USP13: variants seen among roughly 807,000 people sequenced by gnomAD.
USP13 encodes ubiquitin specific peptidase 13.
In USP13, 68 loss-of-function variants were observed where a neutral mutation model predicts 107.8. The observed-to-expected ratio is 0.63, with a 90% confidence interval of 0.52 to 0.77. The LOEUF (loss-of-function observed/expected upper bound fraction) is 0.77. Ranked by LOEUF, USP13 falls within the 30% of genes least tolerant of loss-of-function variation. USP13 has a pLI of 0.00. For missense variants in USP13, 945 were observed against 1,093.3 expected, an observed-to-expected ratio of 0.86 and a Z score of 1.91; for synonymous variants, 377 against 389.5, an observed-to-expected ratio of 0.97 and a Z score of 0.38.
chr3:179,758,953 C>T (rs916420504), intron 16 of USP13, among the ~76,000 whole-genome samples: 2 of 151,894 alleles, frequency 1.3e-5, no homozygotes, highest in Non-Finnish European at 2.9e-5. Flanking sequence ...TTGTGCCTGG[C>T]TCACTTTATT....
intron 1 of USP13, among the ~76,000 whole-genome samples, chr3:179,667,969 A>G (rs1246285169): frequency 6.6e-6 from 1 of 152,034 alleles, no homozygotes; most frequent in African/African-American, 2.4e-5. Context: ...ATACTTACCA[A>G]AAAAGTTAAT....
intron 19 of USP13, among the ~76,000 whole-genome samples, chr3:179,767,787 A>C (rs1177865882): frequency 6.6e-6 from 1 of 152,242 alleles, no homozygotes; most frequent in East Asian, 1.9e-4. Flanking sequence ...CTAAATCTAC[A>C]CTAGCAGCAT....
At position 179,721,351 on chromosome 3, in the gene USP13, T is replaced by C. The variant is rs766452252; in HGVS notation, c.901-51T>C. ...AGAAATAATTAACGGGACATGACCT[T>C]TGAATGGGAATCACATTTAAAGTTG... On this transcript the variant is annotated intron_variant, in intron 7 of 20. Transcript: ENST00000263966. The surrounding 1 kb of genome is among the most constrained non-coding windows in gnomAD (Gnocchi z 4.3). 33 of 1,579,178 alleles carry C rather than the reference T, an allele frequency of 2.1e-5. No individual in the cohort carries two copies. The highest frequency in any genetic ancestry group is 2.8e-5 in the Non-Finnish European group (33 of 1,159,072).
chr3:179,752,072 A>G (rs1003354523), intron 13 of USP13, among the ~76,000 whole-genome samples: 4 of 152,224 alleles, frequency 2.6e-5, no homozygotes, highest in African/African-American at 7.2e-5. Flanking sequence ...AACATTCTAC[A>G]TTAAACATTT....
intron 7 of USP13, 47 bp downstream of exon 7, chr3:179,720,081 TG>T: frequency 6.9e-7 from 1 of 1,451,384 alleles, no homozygotes; most frequent in Non-Finnish European, 9.5e-7. Context: ...GGGGTAGGGG[TG>T]GGGAGACGGC....
intron 1 of USP13, among the ~76,000 whole-genome samples, chr3:179,680,821 A>ACTTTCTTTC (rs1560046343): frequency 3.4e-5 from 5 of 147,028 alleles, no homozygotes; most frequent in South Asian, 2.2e-4. Context: ...GATTACAGGC[A>ACTTTCTTTC]TGAGTCACCG....
chr3:179,693,759 C>T (rs996409916), intron 3 of USP13, among the ~76,000 whole-genome samples: 2 of 152,026 alleles, frequency 1.3e-5, no homozygotes, highest in African/African-American at 4.8e-5. Context: ...CTGCAATATC[C>T]GCCCTCCGAG....
Position 179,686,019 on chromosome 3 carries a change from C to A in USP13, c.294+4016C>A, listed in dbSNP as rs542406648. 1.2e-3 allele frequency among the ~76,000 whole-genome samples: 183 copies of A among 152,278 alleles called. No individual in the cohort carries two copies. In the South Asian group the frequency reaches 0.037, roughly 30 times the overall value. On this transcript the variant is annotated intron_variant, in intron 2 of 20. Transcript: ENST00000263966. Reference sequence around the variant, plus strand: ...ATTGATGTCACTGTCTACTTCCATGCACAGACTGCTGGAAACCCCACACTA... The same window carrying A: ...ATTGATGTCACTGTCTACTTCCATGAACAGACTGCTGGAAACCCCACACTA...
intron 2 of USP13, among the ~76,000 whole-genome samples, chr3:179,688,491 G>A (rs1209241097): frequency 6.6e-6 from 1 of 152,218 alleles, no homozygotes; most frequent in Non-Finnish European, 1.5e-5. Flanking sequence ...CTCCAGCATA[G>A]AATCTGACAC....
At chr3:179,766,906 G>C (rs1715194148) in intron 19 of USP13, among the ~76,000 whole-genome samples, 1 of 152,132 alleles carries the variant, frequency 6.6e-6, no homozygotes. Flanking sequence ...GTCAGATCCA[G>C]GCCACCTGGT....
chr3:179,687,840 A>G (rs940700427), intron 2 of USP13, among the ~76,000 whole-genome samples: 10 of 151,736 alleles, frequency 6.6e-5, no homozygotes, highest in African/African-American at 1.9e-4. Flanking sequence ...TCCCTCTTCT[A>G]CAGGATGAAG....
chr3:179,685,110 T>A (rs888337392), intron 2 of USP13, among the ~76,000 whole-genome samples: 1 of 152,116 alleles, frequency 6.6e-6, no homozygotes, highest in Non-Finnish European at 1.5e-5. Context: ...CACATTTCCT[T>A]TTTGTCATTC....
At chr3:179,748,733 C>T (rs1251307808) in intron 13 of USP13, among the ~76,000 whole-genome samples, 1 of 152,164 alleles carries the variant, frequency 6.6e-6, no homozygotes, top group Non-Finnish European at 1.5e-5. Context: ...TTTTTACTTA[C>T]CCATTCTCAT....
chr3:179,684,267 C>G (rs1002140960), intron 2 of USP13, among the ~76,000 whole-genome samples: 2 of 78,654 alleles, frequency 2.5e-5, no homozygotes, highest in Admixed American at 1.5e-4. Context: ...CAGTATCACC[C>G]TTTACACACA....
chr3:179,763,969 A>AT, intron 17 of USP13, 33 bp from the exon 18 acceptor site: 1 of 1,533,530 alleles, frequency 6.5e-7, no homozygotes, highest in Non-Finnish European at 8.7e-7. Context: ...AAAAAAAAAA[A>AT]GGAAAAGACT....
At chr3:179,695,305 T>C (rs144300158) in intron 3 of USP13, among the ~76,000 whole-genome samples, 1 of 152,334 alleles carries the variant, frequency 6.6e-6, no homozygotes, top group Non-Finnish European at 1.5e-5. Context: ...TTGATGACTT[T>C]GTGAATAATT....
rs559778939 is a variant in USP13 at position 179,677,580 on chromosome 3, G to GAAAAT, written c.169-4274_169-4270dup. 2.1e-3 allele frequency among the ~76,000 whole-genome samples: 312 copies of GAAAAT among 151,738 alleles called. 1 individual carries two copies. The highest frequency in any genetic ancestry group is 3.5e-3 in the African/African-American group (145 of 41,362). On this transcript the variant is annotated intron_variant, in intron 1 of 20. Transcript: ENST00000263966. ...GGGCAACAAGAACAAAATTCAATGA[G>GAAAAT]AAAATAAAATAAAATAAAATAAAAT...
At chr3:179,722,608 A>C (rs1235632981) in intron 8 of USP13, among the ~76,000 whole-genome samples, 2 of 152,078 alleles carry the variant, frequency 1.3e-5, no homozygotes, top group Non-Finnish European at 2.9e-5. Flanking sequence ...GGTATTCATC[A>C]CCTCAAGCAT....
At chr3:179,714,582 G>A (rs1321974267) in intron 6 of USP13, among the ~76,000 whole-genome samples, 1 of 152,138 alleles carries the variant, frequency 6.6e-6, no homozygotes, top group Non-Finnish European at 1.5e-5. Flanking sequence ...CATAGTAGGT[G>A]CTCAGCAAAT....
Sources: gnomAD v4.1 joint callset for allele counts (sites outside exome capture counted in the v4.1 genomes callset) on GRCh38, gnomAD v4.1.1 for gene constraint, Gnocchi (gnomAD v3.1) non-coding constraint, MANE v1.5 for transcripts, NCBI Gene and HGNC (gene_info 2026-07-23, HGNC 2026-07-21) for gene names.